Variants in LMO7 observed in about 807,000 individuals in gnomAD.
The protein encoded by LMO7 is LIM domain only protein 7.
In LMO7, 120 loss-of-function variants were observed where a neutral mutation model predicts 206.5. The ratio of observed to expected loss-of-function variants is 0.58; its 90% CI spans 0.50 to 0.68. The LOEUF (loss-of-function observed/expected upper bound fraction) is 0.68. Ranked by LOEUF, LMO7 falls within the 30% of genes least tolerant of loss-of-function variation. The pLI is 0.00. For synonymous variants in LMO7, 706 were observed against 681.5 expected, an observed-to-expected ratio of 1.04 and a Z score of -0.56; for missense variants, 1,959 against 1,957.9, an observed-to-expected ratio of 1.00 and a Z score of -0.01.
At position 75,760,019 on chromosome 13, in the gene LMO7, G is replaced by A. The variant is rs200622621; in HGVS notation, c.211-913G>A. On this transcript the variant is annotated intron_variant, in intron 3 of 30. Transcript: ENST00000377534. ...TAATATGGAGAACCCGCCTGGGATT[G>A]TCACAAGTTCAACCCCATAAAGTGT... Among the ~76,000 whole-genome samples the A allele has an allele frequency of 5.9e-5, 9 of 151,922 alleles. No homozygotes were observed. The East Asian group carries it at 1.7e-3, about 29-fold the overall frequency.
chr13:75,819,255 A>G lies in LMO7; in HGVS notation c.2065-138A>G, dbSNP rs1417263629. Reference sequence around the variant, plus strand: ...TGGTACAGAAACGCTGGCTATAAAAAGCAAAATTAGGGCACCTTGGCATCC... The same window carrying G: ...TGGTACAGAAACGCTGGCTATAAAAGGCAAAATTAGGGCACCTTGGCATCC... On this transcript the variant is annotated intron_variant, in intron 12 of 30. Transcript: ENST00000377534. 6 of 1,029,870 alleles carry G rather than the reference A, an allele frequency of 5.8e-6. No homozygotes were observed. In the East Asian group the frequency reaches 1.6e-4, roughly 28 times the overall value. 63.8% of individuals were successfully genotyped at this position (1,029,870 alleles called of 1,614,324 possible).
rs916168854 is a variant in LMO7, at chr13:75,696,924, G to A, written c.70-16258G>A. Among the ~76,000 whole-genome samples the A allele has an allele frequency of 2.6e-5, 4 of 152,248 alleles. No homozygotes were observed. In the South Asian group the frequency reaches 8.3e-4, roughly 32 times the overall value. On this transcript the variant is annotated intron_variant, in intron 1 of 30. Transcript: ENST00000377534. ...CAGCCAGTTGTGGCTATGAGGTAACGCACGTCGAACGTTGCCAGACTGTTT... is the reference window on the plus strand; with the variant it reads ...CAGCCAGTTGTGGCTATGAGGTAACACACGTCGAACGTTGCCAGACTGTTT...
chr13:75,641,991 T>C (rs1012369329), intron 1 of LMO7, among the ~76,000 whole-genome samples: 1 of 152,162 alleles, frequency 6.6e-6, no homozygotes, highest in Non-Finnish European at 1.5e-5. Context: ...TGTTTTATAA[T>C]TTCTTGAACA....
intron 1 of LMO7, among the ~76,000 whole-genome samples, chr13:75,640,602 C>T (rs1312767244): frequency 2.0e-5 from 3 of 152,048 alleles, no homozygotes; most frequent in South Asian, 2.1e-4. Flanking sequence ...TGGTTCTATT[C>T]GTTTTTCTAT....
intron 4 of LMO7, among the ~76,000 whole-genome samples, chr13:75,765,709 C>A (rs75494831): frequency 6.6e-6 from 1 of 152,056 alleles, no homozygotes; most frequent in African/African-American, 2.4e-5. Context: ...CTGCAGGGAA[C>A]GGTTGTGGGA....
intron 4 of LMO7, among the ~76,000 whole-genome samples, chr13:75,763,894 C>T (rs2048515091): frequency 6.6e-6 from 1 of 151,064 alleles, no homozygotes; most frequent in Non-Finnish European, 1.5e-5. Context: ...TAATCCAGGA[C>T]TCCAACTGTT....
In LMO7 at chr13:75,859,643, A is replaced by T. The variant is rs1050997948; in HGVS notation, c.*1700A>T. On this transcript the variant is annotated 3_prime_UTR_variant, in exon 31 of 31. Coordinates refer to ENST00000377534, the MANE Select transcript of LMO7 (RefSeq NM_001306080.2). ...TATATTATTTTCATAGACATGAAATAGTTGCTCAGAGATTATGCATTTTAA... is the reference window on the plus strand; with the variant it reads ...TATATTATTTTCATAGACATGAAATTGTTGCTCAGAGATTATGCATTTTAA... The T allele has an allele frequency of 1.3e-5, 2 of 152,204 alleles. No homozygotes were observed. Among genetic ancestry groups the T allele is most frequent in the South Asian group, 2.1e-4 (1 of 4,828 alleles). 9.4% of individuals were successfully genotyped at this position (152,204 alleles called of 1,614,324 possible).
intron 1 of LMO7, among the ~76,000 whole-genome samples, chr13:75,643,185 T>G (rs916765210): frequency 2.6e-5 from 4 of 152,202 alleles, no homozygotes; most frequent in African/African-American, 9.6e-5. Flanking sequence ...ATGCCGAGAG[T>G]GCTTTGGGTA....
intron 1 of LMO7, among the ~76,000 whole-genome samples, chr13:75,680,747 T>C (rs961003355): frequency 6.6e-6 from 1 of 152,072 alleles, no homozygotes; most frequent in Middle Eastern, 3.4e-3. Context: ...CAGGCCCCAG[T>C]GTGTGATGTT....
intron 11 of LMO7, among the ~76,000 whole-genome samples, chr13:75,810,046 G>A (rs1044059626): frequency 2.0e-5 from 3 of 151,854 alleles, no homozygotes; most frequent in Non-Finnish European, 4.4e-5. Flanking sequence ...TGGTCCGGCT[G>A]GTCTCAAACT....
intron 1 of LMO7, among the ~76,000 whole-genome samples, chr13:75,679,304 C>T (rs1333460175): frequency 1.3e-5 from 2 of 152,190 alleles, no homozygotes; most frequent in Non-Finnish European, 2.9e-5. Flanking sequence ...CCCAAAACTG[C>T]CATGTTTCAT....
At chr13:75,654,342 T>G (rs997603436) in intron 1 of LMO7, among the ~76,000 whole-genome samples, 9 of 152,320 alleles carry the variant, frequency 5.9e-5, no homozygotes, top group Middle Eastern at 3.4e-3. Flanking sequence ...AATTTTAGTT[T>G]ATGAGATTTC....
intron 2 of LMO7, among the ~76,000 whole-genome samples, chr13:75,717,729 AC>A (rs1458649424): frequency 6.6e-6 from 1 of 152,122 alleles, no homozygotes; most frequent in Non-Finnish European, 1.5e-5. Flanking sequence ...GGAGATCTCC[AC>A]CCACACATGG....
At chr13:75,697,672 C>A (rs1196827707) in intron 1 of LMO7, among the ~76,000 whole-genome samples, 1 of 152,150 alleles carries the variant, frequency 6.6e-6, no homozygotes, top group South Asian at 2.1e-4. Flanking sequence ...GTGTATTGAT[C>A]TTTTATATTT....
At chr13:75,809,746 T>C (rs2056059595) in intron 11 of LMO7, among the ~76,000 whole-genome samples, 2 of 152,058 alleles carry the variant, frequency 1.3e-5, no homozygotes, top group African/African-American at 2.4e-5. Flanking sequence ...AGTTATAACA[T>C]GGCTATATTT....
intron 1 of LMO7, among the ~76,000 whole-genome samples, chr13:75,652,655 G>A (rs1463666140): frequency 6.8e-6 from 1 of 147,596 alleles, no homozygotes; most frequent in South Asian, 2.1e-4. Flanking sequence ...GTGTGTGTGT[G>A]TGTATTTATT....
intron 14 of LMO7, among the ~76,000 whole-genome samples, chr13:75,822,843 TAA>T (rs1320642537): frequency 7.9e-6 from 1 of 126,152 alleles, no homozygotes; most frequent in Non-Finnish European, 1.7e-5. Flanking sequence ...TATATATATA[TAA>T]AACTTTTGCT....
chr13:75,814,981 A>G (rs2056824022), intron 11 of LMO7, among the ~76,000 whole-genome samples: 1 of 152,146 alleles, frequency 6.6e-6, no homozygotes, highest in Non-Finnish European at 1.5e-5. Flanking sequence ...GGAACCAGGG[A>G]TGGCGGACCT....
intron 3 of LMO7, among the ~76,000 whole-genome samples, chr13:75,745,075 G>T (rs2046727253): frequency 6.6e-6 from 1 of 152,208 alleles, no homozygotes; most frequent in Non-Finnish European, 1.5e-5. Context: ...AAGCATTTTA[G>T]AAACAGGCTC....
Sources: allele counts gnomAD v4.1 joint callset (sites outside exome capture counted in the v4.1 genomes callset), GRCh38; gene constraint gnomAD v4.1.1; transcripts MANE v1.5; gene names NCBI Gene and HGNC (gene_info 2026-07-23, HGNC 2026-07-21).